ADAMTS9: variants seen among roughly 807,000 people sequenced by gnomAD.
ADAMTS9 encodes the protein ADAM metallopeptidase with thrombospondin type 1 motif 9.
A neutral mutation model predicts 257.1 loss-of-function variants in ADAMTS9; 107 were observed. That is an observed-to-expected ratio of 0.42 (90% CI 0.36 to 0.49). The LOEUF (loss-of-function observed/expected upper bound fraction) is 0.49. Ranked by LOEUF, ADAMTS9 falls within the 20% of genes least tolerant of loss-of-function variation. The pLI is 0.03. For synonymous variants in ADAMTS9, 982 were observed against 880.9 expected, an observed-to-expected ratio of 1.11 and a Z score of -2.03; for missense variants, 2,353 against 2,469.1, an observed-to-expected ratio of 0.95 and a Z score of 1.00.
chr3:64,594,203 G>T, intron 28 of ADAMTS9, 55 bp downstream of exon 28: 1 of 1,552,322 alleles, frequency 6.4e-7, no homozygotes, highest in South Asian at 1.2e-5. Context: ...GAGTGCCCCA[G>T]AATACCTTGG....
At chr3:64,661,867 G>A (rs1032954842) in intron 3 of ADAMTS9, among the ~76,000 whole-genome samples, 1 of 152,014 alleles carries the variant, frequency 6.6e-6, no homozygotes, top group African/African-American at 2.4e-5. Flanking sequence ...AGTAAGTAAA[G>A]TGTTAGACAT....
intron 19 of ADAMTS9, 110 bp from the exon 20 acceptor site, chr3:64,616,280 G>C (rs978898814): frequency 8.6e-7 from 1 of 1,159,958 alleles, no homozygotes; most frequent in Non-Finnish European, 1.2e-6. Context: ...TTCTTAACTC[G>C]AATACCATGA....
chr3:64,627,216 G>A (rs945108620), intron 16 of ADAMTS9, among the ~76,000 whole-genome samples: 1 of 152,078 alleles, frequency 6.6e-6, no homozygotes, highest in African/African-American at 2.4e-5. Flanking sequence ...AATGTCTCCA[G>A]GTTTCCTTTC....
intron 38 of ADAMTS9, among the ~76,000 whole-genome samples, chr3:64,525,699 C>T (rs1414688101): frequency 6.6e-6 from 1 of 151,890 alleles, no homozygotes; most frequent in Non-Finnish European, 1.5e-5. Flanking sequence ...CAACCTCCAC[C>T]TCCCGGGTTC....
At chr3:64,550,834 C>G (rs2083260949) in intron 31 of ADAMTS9, 58 bp downstream of exon 31, 2 of 1,600,820 alleles carry the variant, frequency 1.2e-6, no homozygotes, top group South Asian at 1.1e-5. Context: ...CCACTCATCC[C>G]TCTGCCACTC....
At chr3:64,528,618 T>C (rs2082939665) in intron 38 of ADAMTS9, among the ~76,000 whole-genome samples, 1 of 152,114 alleles carries the variant, frequency 6.6e-6, no homozygotes, top group Admixed American at 6.6e-5. Flanking sequence ...TGCAGTTCGA[T>C]GTCCTTCCCA....
At chr3:64,522,292 G>A in intron 38 of ADAMTS9, 32 bp from the exon 39 acceptor site, 1 of 1,600,474 alleles carries the variant, frequency 6.2e-7, no homozygotes. Context: ...TAGCCTGCCT[G>A]CTTGGTTAAT....
intron 38 of ADAMTS9, among the ~76,000 whole-genome samples, chr3:64,526,057 T>C (rs1358274673): frequency 5.5e-5 from 8 of 146,608 alleles, no homozygotes; most frequent in Non-Finnish European, 1.0e-4. Flanking sequence ...TTATGTGTGA[T>C]ATGCTATACT....
At position 64,622,262 on chromosome 3, in the gene ADAMTS9, A is replaced by G. The variant is rs753968253; in HGVS notation, c.2622T>C (p.Asp874=). Reference sequence around the variant, plus strand: ...TGTTCCAGTAAAACTGCTGAGGTTTATCTTCAATTGGAATATTGAAAGAAT... The same window carrying G: ...TGTTCCAGTAAAACTGCTGAGGTTTGTCTTCAATTGGAATATTGAAAGAAT... The part of the protein sequence containing the change: ...VRYSFNIPIE[D]KPQQFYWNSH... Residue 874 remains aspartate, a synonymous_variant, in exon 18 of 40, where the codon GAT becomes GAC. Transcript: ENST00000498707. 9 of 1,613,876 alleles carry G rather than the reference A, an allele frequency of 5.6e-6. No individual in the cohort carries two copies. The highest frequency in any genetic ancestry group is 1.7e-5 in the Admixed American group (1 of 59,990).
At chr3:64,649,334 T>A (rs891984690) in intron 10 of ADAMTS9, among the ~76,000 whole-genome samples, 3 of 152,142 alleles carry the variant, frequency 2.0e-5, no homozygotes, top group Non-Finnish European at 4.4e-5. Context: ...GCTCTGTAAT[T>A]CCCAACTCCG....
intron 38 of ADAMTS9, among the ~76,000 whole-genome samples, chr3:64,532,648 A>G (rs967847570): frequency 5.3e-5 from 8 of 152,294 alleles, no homozygotes; most frequent in Admixed American, 2.0e-4. Flanking sequence ...TGCACTGCGT[A>G]GACCACACCT....
intron 28 of ADAMTS9, 87 bp downstream of exon 28, chr3:64,594,171 G>A: frequency 7.1e-7 from 1 of 1,403,736 alleles, no homozygotes; most frequent in South Asian, 1.4e-5. Context: ...CCTTGTAAGT[G>A]TGACAATTAT....
Position 64,687,663 on chromosome 3 carries a change from T to C in ADAMTS9, c.-6A>G. On this transcript the variant is annotated 5_prime_UTR_variant, in exon 1 of 40. Coordinates refer to ENST00000498707, the MANE Select transcript of ADAMTS9 (RefSeq NM_182920.2). The surrounding 1 kb of genome is among the most constrained non-coding windows in gnomAD (Gnocchi z 4.4). The stretch of plus-strand genomic sequence containing the variant: ...GCCCAGGATACAAACTGCATGGTGC[T>C]TCCCACCCCTCCCTCCGCTGCCCCC... 6.6e-7 allele frequency: 1 copy of C among 1,520,858 alleles called. No individual in the cohort carries two copies. Among genetic ancestry groups the C allele is most frequent in the Non-Finnish European group, 8.9e-7 (1 of 1,129,242 alleles). The allele number at this position is 1,520,858 out of a possible 1,614,324, so 94.2% of individuals were successfully genotyped here.
intron 3 of ADAMTS9, among the ~76,000 whole-genome samples, chr3:64,664,503 C>T (rs1701303701): frequency 6.6e-6 from 1 of 152,118 alleles, no homozygotes; most frequent in Admixed American, 6.5e-5. Flanking sequence ...CCTATTCTGA[C>T]ATGTCATGTA....
intron 12 of ADAMTS9, among the ~76,000 whole-genome samples, chr3:64,634,702 T>A (rs115317865): frequency 0.034 from 5,170 of 152,246 alleles, 128 homozygotes; most frequent in South Asian, 0.097. Context: ...TCGTAGGACG[T>A]TGGGGCTCAC....
chr3:64,680,110 T>C (rs1350417946), intron 3 of ADAMTS9, among the ~76,000 whole-genome samples: 1 of 152,212 alleles, frequency 6.6e-6, no homozygotes, highest in Non-Finnish European at 1.5e-5. Flanking sequence ...TATTAAAGGA[T>C]TCACTTTAGA....
chr3:64,552,705 G>A (rs370436514), intron 30 of ADAMTS9, among the ~76,000 whole-genome samples: 1 of 151,740 alleles, frequency 6.6e-6, no homozygotes, highest in African/African-American at 2.4e-5. Context: ...CTACAGGCAT[G>A]AGCCACCACG....
intron 16 of ADAMTS9, among the ~76,000 whole-genome samples, chr3:64,629,083 A>G (rs11710657): frequency 0.26 from 39,775 of 152,004 alleles, 5,549 homozygotes; most frequent in African/African-American, 0.29. Flanking sequence ...CAATCCATCA[A>G]CAAGTCATAT....
Position 64,532,124 on chromosome 3 carries a change from C to T in ADAMTS9, c.5718+1042G>A, listed in dbSNP as rs77014887. Among the ~76,000 whole-genome samples, 299 of 152,244 alleles carry T rather than the reference C, an allele frequency of 2.0e-3. 10 individuals are homozygous for T. In the East Asian group the frequency reaches 0.05, roughly 26 times the overall value. ...CTCAGGTGATTCTACTATACACCCA[C>T]GGTGAGAAACAGTACACAGTCGACA... On this transcript the variant is annotated intron_variant, in intron 38 of 39. Coordinates refer to ENST00000498707, the MANE Select transcript of ADAMTS9 (RefSeq NM_182920.2).
Sources: allele counts gnomAD v4.1 joint callset (sites outside exome capture counted in the v4.1 genomes callset), GRCh38; gene constraint gnomAD v4.1.1; non-coding constraint Gnocchi (gnomAD v3.1); transcripts MANE v1.5; gene names NCBI Gene and HGNC (gene_info 2026-07-23, HGNC 2026-07-21).